The following NTM variants were observed in gnomAD, a reference collection of about 807,000 sequenced individuals.
NTM encodes neurotrimin.
Under a neutral mutation model 42.1 loss-of-function variants are expected in NTM, and 13 were observed. That is an observed-to-expected ratio of 0.31 (90% CI 0.20 to 0.49). The LOEUF (loss-of-function observed/expected upper bound fraction) is 0.49. NTM is among the 20% of genes least tolerant of loss of function. The pLI is 0.99. For missense variants in NTM, 373 were observed against 452.8 expected (o/e 0.82, Z 1.60); for synonymous variants, 187 against 179.2 (o/e 1.04, Z -0.35).
intron 1 of NTM, among the ~76,000 whole-genome samples, chr11:131,700,911 G>A (rs1592618466): frequency 6.6e-6 from 1 of 152,160 alleles, no homozygotes; most frequent in African/African-American, 2.4e-5. Flanking sequence ...TTTTGTCTCT[G>A]GAGTCAGACA....
At chr11:131,410,608 C>T (rs1225774021) in intron 1 of NTM, among the ~76,000 whole-genome samples, 2 of 150,052 alleles carry the variant, frequency 1.3e-5, no homozygotes, top group Non-Finnish European at 2.9e-5. Context: ...TCCTGGGACA[C>T]TTCCCTGATT....
chr11:131,676,610 A>G (rs1194303173), intron 1 of NTM, among the ~76,000 whole-genome samples: 1 of 152,262 alleles, frequency 6.6e-6, no homozygotes, highest in African/African-American at 2.4e-5. Flanking sequence ...GAAGTCTATA[A>G]TTAAATGTTT....
intron 1 of NTM, among the ~76,000 whole-genome samples, chr11:131,667,874 C>T (rs7105569): frequency 0.023 from 3,450 of 152,296 alleles, 143 homozygotes; most frequent in African/African-American, 0.079. Flanking sequence ...TTGGGACCCA[C>T]TGCCTGGAGA....
intron 1 of NTM, among the ~76,000 whole-genome samples, chr11:131,490,151 A>T (rs1434877298): frequency 6.6e-6 from 1 of 152,206 alleles, no homozygotes; most frequent in Non-Finnish European, 1.5e-5. Flanking sequence ...ACACCAAGTC[A>T]TTCATGAGGG....
intron 7 of NTM, among the ~76,000 whole-genome samples, chr11:132,319,359 C>T (rs1320710035): frequency 6.6e-6 from 1 of 152,220 alleles, no homozygotes; most frequent in Non-Finnish European, 1.5e-5. Context: ...CAGGGAATTC[C>T]CTTTCCTAGT....
intron 1 of NTM, among the ~76,000 whole-genome samples, chr11:131,406,242 G>A (rs115075967): frequency 0.012 from 1,895 of 152,178 alleles, 45 homozygotes; most frequent in African/African-American, 0.043. Context: ...TATTATTACT[G>A]GGAAGTGATA....
At chr11:132,312,254 G>A (rs761044759) in intron 6 of NTM, 5 of 152,232 alleles carry the variant, frequency 3.3e-5, no homozygotes, top group Admixed American at 1.3e-4. Context: ...TCAGTGAGAT[G>A]AGCAGACTAC....
intron 1 of NTM, among the ~76,000 whole-genome samples, chr11:131,720,788 A>G (rs1318963600): frequency 2.0e-5 from 3 of 152,172 alleles, no homozygotes; most frequent in Non-Finnish European, 4.4e-5. Flanking sequence ...CGTCTCTACC[A>G]CTTACTATCT....
intron 2 of NTM, among the ~76,000 whole-genome samples, chr11:132,040,251 T>C (rs1368218332): frequency 6.6e-6 from 1 of 152,184 alleles, no homozygotes; most frequent in Non-Finnish European, 1.5e-5. Flanking sequence ...GTGAGCCACT[T>C]TAAATATTAT....
intron 1 of NTM, among the ~76,000 whole-genome samples, chr11:131,840,220 A>G (rs960227248): frequency 1.6e-4 from 24 of 152,356 alleles, no homozygotes; most frequent in African/African-American, 5.5e-4. Flanking sequence ...ATTTCCCCCA[A>G]GGAAGTGAAT....
chr11:131,789,800 C>CAAA (rs201999957), intron 1 of NTM, among the ~76,000 whole-genome samples: 5 of 145,726 alleles, frequency 3.4e-5, no homozygotes, highest in Non-Finnish European at 6.1e-5. Flanking sequence ...ACTAAAAATA[C>CAAA]AAAAAATTAG....
chr11:132,083,063 T>A (rs1265279267), intron 2 of NTM, among the ~76,000 whole-genome samples: 1 of 152,180 alleles, frequency 6.6e-6, no homozygotes, highest in Non-Finnish European at 1.5e-5. Flanking sequence ...ATTACTCCCA[T>A]CACCTGGCAG....
chr11:131,524,581 G>A (rs774109312), intron 1 of NTM, among the ~76,000 whole-genome samples: 10 of 152,324 alleles, frequency 6.6e-5, no homozygotes, highest in Non-Finnish European at 8.8e-5. Context: ...AGCCATAGCC[G>A]CTGATTAACC....
At chr11:132,229,602 C>A (rs1300937974) in intron 4 of NTM, among the ~76,000 whole-genome samples, 1 of 152,174 alleles carries the variant, frequency 6.6e-6, no homozygotes, top group East Asian at 1.9e-4. Flanking sequence ...AAAAGAAGAT[C>A]AAAGTTTTGA....
intron 1 of NTM, among the ~76,000 whole-genome samples, chr11:131,488,035 T>C (rs1367993869): frequency 2.0e-5 from 3 of 152,168 alleles, no homozygotes; most frequent in Non-Finnish European, 4.4e-5. Context: ...CAGTGCCTGG[T>C]CCTTCTTCAC....
At chr11:132,180,016 A>T (rs2138024839) in intron 3 of NTM, among the ~76,000 whole-genome samples, 1 of 152,278 alleles carries the variant, frequency 6.6e-6, no homozygotes, top group East Asian at 1.9e-4. Context: ...CATTTTCAGA[A>T]AATTATTGGA....
chr11:131,804,120 T>G (rs1410551247), intron 1 of NTM, among the ~76,000 whole-genome samples: 3 of 152,222 alleles, frequency 2.0e-5, no homozygotes, highest in Admixed American at 6.5e-5. Context: ...CTCCACCACC[T>G]GCATCCTAGT....
At chr11:132,215,857 C>G (rs1489393499) in intron 4 of NTM, among the ~76,000 whole-genome samples, 1 of 152,138 alleles carries the variant, frequency 6.6e-6, no homozygotes, top group African/African-American at 2.4e-5. Context: ...AGGAAGAGCC[C>G]CCATCTCACT....
At chr11:131,985,545 CG>C (rs1409804012) in intron 2 of NTM, among the ~76,000 whole-genome samples, 1 of 152,150 alleles carries the variant, frequency 6.6e-6, no homozygotes, top group Non-Finnish European at 1.5e-5. Context: ...AGGCGGCATC[CG>C]GGAATGGTGC....
Sources: allele counts gnomAD v4.1 joint callset (sites outside exome capture counted in the v4.1 genomes callset), GRCh38; gene constraint gnomAD v4.1.1; transcripts MANE v1.5; gene names NCBI Gene and HGNC (gene_info 2026-07-23, HGNC 2026-07-21).